MAMLD1: variants seen among roughly 807,000 people sequenced by gnomAD.
MAMLD1 encodes mastermind like domain containing 1, also known as mastermind-like domain-containing protein 1.
In MAMLD1, 14 loss-of-function variants were observed where a neutral mutation model predicts 45.0. That is an observed-to-expected ratio of 0.31 (90% CI 0.21 to 0.49). MAMLD1 has a LOEUF of 0.49. MAMLD1 is among the 20% of genes least tolerant of loss of function. MAMLD1 has a pLI of 0.99. For missense variants in MAMLD1, 543 were observed against 603.6 expected (o/e 0.90, Z 1.05); for synonymous variants, 254 against 247.8 (o/e 1.02, Z -0.24).
chrX:150,475,832 C>T (rs1314791749), intron 5 of MAMLD1, among the ~76,000 whole-genome samples: 1 of 112,166 alleles, frequency 8.9e-6, no homozygotes, highest in African/African-American at 3.2e-5. Flanking sequence ...ACTACAGGCT[C>T]AATCAGGGCT....
chrX:150,421,899 G>A (rs2034529272), intron 1 of MAMLD1, among the ~76,000 whole-genome samples: 1 of 112,255 alleles, frequency 8.9e-6, no homozygotes, highest in South Asian at 3.7e-4. Context: ...TCTGGAGGCG[G>A]TCTAAGATCT....
chrX:150,396,945 G>A (rs2033442941), intron 1 of MAMLD1, among the ~76,000 whole-genome samples: 1 of 111,806 alleles, frequency 8.9e-6, no homozygotes, highest in Non-Finnish European at 1.9e-5. Context: ...TTTTTATTAT[G>A]TTATGCCCAG....
At chrX:150,510,625 A>G (rs1386282604) in intron 7 of MAMLD1, among the ~76,000 whole-genome samples, 1 of 112,288 alleles carries the variant, frequency 8.9e-6, no homozygotes, top group Admixed American at 9.4e-5. Flanking sequence ...AAAATGCCTG[A>G]TGTAGTTCCC....
At position 150,405,349 on chromosome X, in the gene MAMLD1, A is replaced by G. The variant is rs1557402631; in HGVS notation, c.-63-40105A>G. Among the ~76,000 whole-genome samples the G allele has an allele frequency of 6.3e-5, 7 of 111,309 alleles. No homozygotes were observed. The South Asian group carries it at 2.7e-3, about 42-fold the overall frequency. ...TGTGGGGAATAGGGCTGCATTGGGA[A>G]TAGGGGGCCATCAAAAGGAGTCAAA... On this transcript the variant is annotated intron_variant, in intron 1 of 7. Transcript: ENST00000370401.
At chrX:150,388,256 A>G (rs980493946) in intron 1 of MAMLD1, among the ~76,000 whole-genome samples, 1 of 111,953 alleles carries the variant, frequency 8.9e-6, no homozygotes, top group South Asian at 3.7e-4. Flanking sequence ...CAGTTAGCTA[A>G]TAATTTCTTA....
intron 1 of MAMLD1, among the ~76,000 whole-genome samples, chrX:150,429,666 A>G (rs1332668679): frequency 2.7e-5 from 3 of 111,686 alleles, no homozygotes; most frequent in African/African-American, 9.7e-5. Flanking sequence ...AATTTTTGAT[A>G]TAAACTTTCA....
intron 1 of MAMLD1, among the ~76,000 whole-genome samples, chrX:150,443,248 GTCTCAT>G (rs1434174782): frequency 2.3e-5 from 2 of 87,337 alleles, no homozygotes; most frequent in Non-Finnish European, 4.5e-5. Context: ...TTTTTTTTTG[GTCTCAT>G]TCTCTTTCTC....
At chrX:150,505,209 C>A in intron 6 of MAMLD1, 1 of 274,914 alleles carries the variant, frequency 3.6e-6, no homozygotes, top group Non-Finnish European at 5.0e-6. Flanking sequence ...GCATCATTAC[C>A]ATGGGTGAGG....
At chrX:150,416,647 T>G (rs1302872606) in intron 1 of MAMLD1, among the ~76,000 whole-genome samples, 1 of 112,474 alleles carries the variant, frequency 8.9e-6, no homozygotes, top group Non-Finnish European at 1.9e-5. Flanking sequence ...TCCCACTGTC[T>G]TTGGAAACCA....
intron 5 of MAMLD1, among the ~76,000 whole-genome samples, chrX:150,483,945 T>C (rs2036902174): frequency 8.9e-6 from 1 of 112,559 alleles, no homozygotes; most frequent in African/African-American, 3.2e-5. Context: ...TTCATACCAC[T>C]TTGGGGTGGT....
At chrX:150,382,893 T>TTTTTTTA (rs2032707910) in intron 1 of MAMLD1, among the ~76,000 whole-genome samples, 1 of 20,328 alleles carries the variant, frequency 4.9e-5, no homozygotes, top group Non-Finnish European at 8.5e-5. Flanking sequence ...TTATTTTTTT[T>TTTTTTTA]TTTTTTTATT....
At chrX:150,483,712 G>A (rs2036894933) in intron 5 of MAMLD1, among the ~76,000 whole-genome samples, 3 of 112,451 alleles carry the variant, frequency 2.7e-5, no homozygotes, top group South Asian at 3.6e-4. Context: ...CTTCCAACAA[G>A]TACACAATTT....
intron 5 of MAMLD1, among the ~76,000 whole-genome samples, chrX:150,475,222 C>T (rs2036550057): frequency 9.1e-6 from 1 of 110,496 alleles, no homozygotes; most frequent in Non-Finnish European, 1.9e-5. Flanking sequence ...GGGGTGGGGG[C>T]TTTTTTGGTT....
In MAMLD1 at chrX:150,382,956, C is replaced by G. The variant is rs1256123442; in HGVS notation, c.-64+19426C>G. Among the ~76,000 whole-genome samples the G allele has an allele frequency of 2.1e-4, 5 of 23,425 alleles. 1 individual carries two copies. Among genetic ancestry groups the G allele is most frequent in the African/African-American group, 5.5e-4 (1 of 1,816 alleles). 20.3% of individuals were successfully genotyped at this position (23,425 alleles called of 115,157 possible). A position where few individuals can be genotyped will look rare whatever the true frequency, so the allele number is the denominator to read the frequency against. On this transcript the variant is annotated intron_variant, in intron 1 of 7. Transcript: ENST00000370401. Reference sequence around the variant, plus strand: ...GTCTCGCTCTGTCGCCCAGGCTGGACTGCAGTGGCGCGATCTCGGCTCACT... The same window carrying G: ...GTCTCGCTCTGTCGCCCAGGCTGGAGTGCAGTGGCGCGATCTCGGCTCACT...
In MAMLD1 at chrX:150,460,437, C is replaced by T. The variant is rs182286085; in HGVS notation, c.97-2335C>T. Among the ~76,000 whole-genome samples, 3 of 112,350 alleles carry T rather than the reference C, an allele frequency of 2.7e-5. No individual in the cohort carries two copies. In the Admixed American group the frequency reaches 2.8e-4, roughly 11 times the overall value. ...TTCCAGAAATGGAATCACCTCAAGT[C>T]ATATCAATTCTCTTGGGAAGAGCCC... On this transcript the variant is annotated intron_variant, in intron 2 of 7. Coordinates refer to ENST00000370401, the MANE Select transcript of MAMLD1 (RefSeq NM_005491.5).
At chrX:150,484,293 T>C (rs2036917648) in intron 5 of MAMLD1, among the ~76,000 whole-genome samples, 1 of 112,877 alleles carries the variant, frequency 8.9e-6, no homozygotes, top group Non-Finnish European at 1.9e-5. Context: ...TTGATAGCCA[T>C]TTTAATCATT....
At position 150,503,464 on chromosome X, in the gene MAMLD1, C is replaced by T. The variant is rs782359193; in HGVS notation, c.2231C>T (p.Pro744Leu). 6 of 1,207,640 alleles carry T rather than the reference C, an allele frequency of 5.0e-6. No individual in the cohort carries two copies. The highest frequency in any genetic ancestry group is 4.5e-6 in the Non-Finnish European group (4 of 893,220). The change falls in exon 6 of 8, where the codon CCG becomes CTG. Residue 744 changes from proline to leucine, a missense_variant. Physicochemically the swap from Pro to Leu is moderately conservative, Grantham distance 98 (BLOSUM62 -3). Transcript: ENST00000370401. ...SEAAPWGSWDPKAWRQVPAPL... is the reference protein window; with the variant it reads ...SEAAPWGSWDLKAWRQVPAPL... Reference sequence around the variant, plus strand: ...GCAGCGCCCTGGGGCAGCTGGGATCCGAAGGCCTGGAGGCAGGTGCCCGCT... The same window carrying T: ...GCAGCGCCCTGGGGCAGCTGGGATCTGAAGGCCTGGAGGCAGGTGCCCGCT...
intron 5 of MAMLD1, among the ~76,000 whole-genome samples, chrX:150,482,116 C>G (rs1473713778): frequency 2.7e-5 from 3 of 111,402 alleles, no homozygotes; most frequent in Non-Finnish European, 3.8e-5. Context: ...CCCAAATGTC[C>G]ATCAGCTGGT....
chrX:150,373,173 C>T (rs5925537), intron 1 of MAMLD1, among the ~76,000 whole-genome samples: 1,340 of 111,585 alleles, frequency 0.012, 11 homozygotes, highest in Non-Finnish European at 0.019. Context: ...TCTTCCTGGG[C>T]GTCCCGCACC....
Sources: allele counts gnomAD v4.1 joint callset (sites outside exome capture counted in the v4.1 genomes callset), GRCh38; gene constraint gnomAD v4.1.1; transcripts MANE v1.5; gene names NCBI Gene and HGNC (gene_info 2026-07-23, HGNC 2026-07-21).